Variants in CDC25A observed in about 807,000 individuals in gnomAD.
CDC25A encodes the protein M-phase inducer phosphatase 1.
A neutral mutation model predicts 64.6 loss-of-function variants in CDC25A; 17 were observed. That is an observed-to-expected ratio of 0.26 (90% CI 0.18 to 0.39). CDC25A has a LOEUF of 0.39. Ranked by LOEUF, CDC25A falls within the 10% of genes least tolerant of loss-of-function variation. The probability of loss-of-function intolerance (pLI) is 1.00; values close to 1 mark genes in which losing one functional copy is unlikely to be tolerated. For missense variants in CDC25A, 473 were observed against 654.8 expected (o/e 0.72, Z 3.03); for synonymous variants, 229 against 238.6 (o/e 0.96, Z 0.37).
chr3:48,187,805 G>A lies in CDC25A; in HGVS notation c.143C>T (p.Thr48Ile), dbSNP rs1277824616. ...GLSPVTNLTV[T>I]MDQLQGLGSD... ...GCCCAGACCCTGCAGCTGGTCCATAGTGACGGTCAGGTTGGTGACAGGCGA... is the reference window on the plus strand; with the variant it reads ...GCCCAGACCCTGCAGCTGGTCCATAATGACGGTCAGGTTGGTGACAGGCGA... Residue 48 changes from threonine to isoleucine, a missense_variant, in exon 1 of 15, where the codon ACT becomes ATT. This residue lies in a region of CDC25A where 376 missense variants were observed against 431.9 expected (regional missense o/e 0.87). Coordinates refer to ENST00000302506, the MANE Select transcript of CDC25A (RefSeq NM_001789.3). The A allele has an allele frequency of 9.7e-6, 15 of 1,548,556 alleles. No individual in the cohort carries two copies. Among genetic ancestry groups the A allele is most frequent in the Non-Finnish European group, 1.3e-5 (15 of 1,145,578 alleles).
rs190464562 is a variant in CDC25A, at chr3:48,159,542, A to G, written c.1323-87T>C. On this transcript the variant is annotated intron_variant, in intron 13 of 14. Coordinates refer to ENST00000302506, the MANE Select transcript of CDC25A (RefSeq NM_001789.3). ...CAGTCAAAGCAGCAGTTGTGGTCTA[A>G]GTCCCCCTTATACACATCTTCCCAA... 7 of 843,802 alleles carry G rather than the reference A, an allele frequency of 8.3e-6. No individual in the cohort carries two copies. In the African/African-American group the frequency reaches 1.2e-4, roughly 14 times the overall value. The allele number at this position is 843,802 out of a possible 1,614,324, so 52.3% of individuals were successfully genotyped here.
In CDC25A at chr3:48,158,345, C is replaced by T. The variant is rs1575255169; in HGVS notation, c.*600G>A. ...TGTCCGATAACTTATAACAGGTTTG[C>T]ATTTTCTTACCCACTTCTTTTTTTT... On this transcript the variant is annotated 3_prime_UTR_variant, in exon 15 of 15. Transcript: ENST00000302506. 6.6e-6 allele frequency: 1 copy of T among 152,338 alleles called. No individual in the cohort carries two copies. Among genetic ancestry groups the T allele is most frequent in the Non-Finnish European group, 1.5e-5 (1 of 67,968 alleles). The allele number at this position is 152,338 out of a possible 1,614,324, so 9.4% of individuals were successfully genotyped here.
intron 1 of CDC25A, among the ~76,000 whole-genome samples, chr3:48,187,388 G>A (rs2032879419): frequency 6.6e-6 from 1 of 152,250 alleles, no homozygotes; most frequent in South Asian, 2.1e-4. Context: ...AAAGATCACA[G>A]CAAACGAAGA....
Position 48,176,879 on chromosome 3 carries a change from G to A in CDC25A, c.756+492C>T, listed in dbSNP as rs181213377. Reference sequence around the variant, plus strand: ...CCAGCTACTCGGGAGGCTGAGGCAGGAGAATCACTTGAACCTGGGAGGCAG... The same window carrying A: ...CCAGCTACTCGGGAGGCTGAGGCAGAAGAATCACTTGAACCTGGGAGGCAG... On this transcript the variant is annotated intron_variant, in intron 8 of 14. Transcript: ENST00000302506. 2.0e-3 allele frequency among the ~76,000 whole-genome samples: 297 copies of A among 151,642 alleles called. 3 individuals are homozygous for A. Among genetic ancestry groups the A allele is most frequent in the African/African-American group, 6.6e-3 (275 of 41,380 alleles).
intron 9 of CDC25A, among the ~76,000 whole-genome samples, chr3:48,171,382 CTTTTT>C (rs908598235): frequency 7.3e-6 from 1 of 136,486 alleles, no homozygotes. Flanking sequence ...AATGAATATT[CTTTTT>C]TTTTTTTTTT....
At chr3:48,182,608 A>G (rs150290107) in intron 5 of CDC25A, among the ~76,000 whole-genome samples, 6 of 152,208 alleles carry the variant, frequency 3.9e-5, no homozygotes, top group Non-Finnish European at 1.5e-5. Context: ...ACATGTAATT[A>G]CTCCTGTGAG....
Position 48,159,090 on chromosome 3 carries a change from G to C in CDC25A, c.1435-5C>G, listed in dbSNP as rs1423542644. 1.2e-6 allele frequency: 2 copies of C among 1,613,872 alleles called. No homozygotes were observed. The highest frequency in any genetic ancestry group is 4.5e-5 in the East Asian group (2 of 44,898). On this transcript the variant is annotated splice_region_variant and splice_polypyrimidine_tract_variant and intron_variant, in intron 14 of 14. Coordinates refer to ENST00000302506, the MANE Select transcript of CDC25A (RefSeq NM_001789.3). ...GCTAGGGGGCTCACAGTAAGACTGA[G>C]GGGACAGGAGAGAATAAGGTTAGGG...
rs192691826 is a variant in CDC25A, at chr3:48,159,949, G to A, written c.1323-494C>T. On this transcript the variant is annotated intron_variant, in intron 13 of 14. Transcript: ENST00000302506. ...CCAGCCAATGGCTGCTTACTGCCTC[G>A]CCCTTGGTGAAAAAGCCCGAGGCCC... Among the ~76,000 whole-genome samples, 309 of 151,978 alleles carry A rather than the reference G, an allele frequency of 2.0e-3. No homozygotes were observed. In the Middle Eastern group the frequency reaches 0.034, roughly 17 times the overall value.
intron 9 of CDC25A, among the ~76,000 whole-genome samples, chr3:48,170,980 A>AAT (rs2032248876): frequency 6.6e-6 from 1 of 152,182 alleles, no homozygotes; most frequent in African/African-American, 2.4e-5. Context: ...CATGAGGGCC[A>AAT]ATATATATAC....
In CDC25A at chr3:48,167,931, G is replaced by A; in HGVS notation, c.944C>T (p.Ser315Phe). The A allele has an allele frequency of 5.6e-6, 9 of 1,598,766 alleles. No homozygotes were observed. The highest frequency in any genetic ancestry group is 7.7e-6 in the Non-Finnish European group (9 of 1,166,164). ...PEKAHETLHQ[S>F]LSLASSPKGT... Reference sequence around the variant, plus strand: ...TTTGGGGGAAGATGCCAGGGATAAAGACTGATGAAGAGTCTGTAACAAATC... The same window carrying A: ...TTTGGGGGAAGATGCCAGGGATAAAAACTGATGAAGAGTCTGTAACAAATC... The change falls in exon 10 of 15, where the codon TCT becomes TTT. Residue 315 changes from serine to phenylalanine, a missense_variant. By Grantham distance (155) the Ser-to-Phe change is radical. Coordinates refer to ENST00000302506, the MANE Select transcript of CDC25A (RefSeq NM_001789.3).
chr3:48,159,129 C>T (rs762823918), intron 14 of CDC25A, 44 bp from the exon 15 acceptor site: 4 of 1,601,114 alleles, frequency 2.5e-6, no homozygotes, highest in Middle Eastern at 1.7e-4. Context: ...ACCTGCCTCA[C>T]ACCCACAACC....
chr3:48,165,235 G>C (rs1216580016), intron 12 of CDC25A, among the ~76,000 whole-genome samples: 1 of 152,014 alleles, frequency 6.6e-6, no homozygotes, highest in Non-Finnish European at 1.5e-5. Context: ...CACTAGGCCT[G>C]GCACAGACAC....
intron 9 of CDC25A, among the ~76,000 whole-genome samples, chr3:48,168,839 G>C (rs1214440890): frequency 6.6e-6 from 1 of 151,952 alleles, no homozygotes; most frequent in Non-Finnish European, 1.5e-5. Context: ...TTTTAGTAGA[G>C]ACGGGGTTTC....
intron 8 of CDC25A, chr3:48,174,772 T>C: frequency 5.2e-6 from 1 of 192,756 alleles, no homozygotes; most frequent in Non-Finnish European, 1.1e-5. Context: ...GAACACATTT[T>C]TGGCTTGCCT....
At chr3:48,177,650 C>T (rs1449521099) in intron 7 of CDC25A, among the ~76,000 whole-genome samples, 4 of 152,106 alleles carry the variant, frequency 2.6e-5, no homozygotes, top group Non-Finnish European at 1.5e-5. Context: ...CATGTGTCTT[C>T]TTTTGATGCC....
chr3:48,176,034 G>A (rs946542242), intron 8 of CDC25A, among the ~76,000 whole-genome samples: 1 of 152,148 alleles, frequency 6.6e-6, no homozygotes, highest in African/African-American at 2.4e-5. Flanking sequence ...CGGGAGTGGT[G>A]GCGTAAGCCT....
At chr3:48,176,091 C>A (rs1375463311) in intron 8 of CDC25A, among the ~76,000 whole-genome samples, 1 of 152,178 alleles carries the variant, frequency 6.6e-6, no homozygotes, top group East Asian at 1.9e-4. Context: ...GCACTTGAAC[C>A]CAGGAGGCAG....
At chr3:48,182,822 T>A (rs761009100) in intron 5 of CDC25A, 107 bp downstream of exon 5, 7 of 729,568 alleles carry the variant, frequency 9.6e-6, no homozygotes, top group African/African-American at 3.5e-5. Context: ...AGACCGCACA[T>A]AATGGCCAAG....
intron 13 of CDC25A, among the ~76,000 whole-genome samples, chr3:48,161,600 C>G (rs1334890257): frequency 3.3e-5 from 5 of 151,686 alleles, no homozygotes; most frequent in African/African-American, 1.2e-4. Context: ...TCCTAGCTTC[C>G]TGGGAGGCTG....
Sources: allele counts gnomAD v4.1 joint callset (sites outside exome capture counted in the v4.1 genomes callset), GRCh38; gene constraint gnomAD v4.1.1; regional missense constraint gnomAD v4.1.1; transcripts MANE v1.5; gene names NCBI Gene and HGNC (gene_info 2026-07-23, HGNC 2026-07-21).